Variants in CX3CR1 observed in about 807,000 individuals in gnomAD.
CX3CR1 encodes the protein CX3C chemokine receptor 1.
For synonymous variants in CX3CR1, 168 were observed against 178.5 expected, an observed-to-expected ratio of 0.94 and a Z score of 0.47; for missense variants, 363 against 432.4, an observed-to-expected ratio of 0.84 and a Z score of 1.42.
chr3:39,268,149 C>T (rs2040727919), intron 1 of CX3CR1, among the ~76,000 whole-genome samples: 1 of 152,208 alleles, frequency 6.6e-6, no homozygotes. Context: ...TCACTTCTCG[C>T]TTCCCAGCCT....
chr3:39,281,598 T>C, upstream of CX3CR1: 1 of 1,598,180 alleles, frequency 6.3e-7, no homozygotes, highest in East Asian at 2.2e-5. Context: ...GTCTTTCCTC[T>C]CACCACTTAC....
intron 1 of CX3CR1, among the ~76,000 whole-genome samples, chr3:39,274,481 CA>C (rs10663570): frequency 4.5e-5 from 4 of 88,264 alleles, no homozygotes; most frequent in Non-Finnish European, 6.5e-5. Context: ...CAACCACCAC[CA>C]AAAAAAAAAA....
intron 1 of CX3CR1, among the ~76,000 whole-genome samples, 176 bp downstream of exon 1, chr3:39,279,778 A>T (rs2040875196): frequency 6.6e-6 from 1 of 152,218 alleles, no homozygotes. Flanking sequence ...TGTATTATAA[A>T]TGATCTGATC....
At chr3:39,270,886 A>T (rs2125552330) in intron 1 of CX3CR1, among the ~76,000 whole-genome samples, 1 of 152,356 alleles carries the variant, frequency 6.6e-6, no homozygotes, top group East Asian at 1.9e-4. Context: ...TAGTACAATA[A>T]CAAGCATGCT....
chr3:39,265,463 T>C lies in CX3CR1; in HGVS notation c.1047A>G (p.Gly349=), dbSNP rs781579118. The change falls in exon 2 of 2, where the codon GGA becomes GGG. Residue 349 remains glycine (G), a synonymous_variant. Coordinates refer to ENST00000399220, the MANE Select transcript of CX3CR1 (RefSeq NM_001337.4). The part of the protein sequence containing the change: ...SSNFTYHTSD[G]DALLLL ...CCCTTCAGAGAAGGAGCAATGCATC[T>C]CCATCACTCGTGTGGTAAGTAAAAT... 5.0e-6 allele frequency: 8 copies of C among 1,611,370 alleles called. No homozygotes were observed. The highest frequency in any genetic ancestry group is 6.8e-6 in the Non-Finnish European group (8 of 1,178,030).
intron 1 of CX3CR1, 23 bp downstream of exon 1, chr3:39,279,931 C>A: frequency 1.3e-5 from 13 of 979,580 alleles, no homozygotes; most frequent in Non-Finnish European, 1.5e-5. Flanking sequence ...CCCACAGGTA[C>A]CCAACTAGTC....
At chr3:39,284,687 T>A (rs572859921), upstream of CX3CR1, among the ~76,000 whole-genome samples, 3 of 152,364 alleles carry the variant, frequency 2.0e-5, no homozygotes, top group South Asian at 2.1e-4. Context: ...CTTTTTTACT[T>A]TCACTTTCTA....
chr3:39,282,367 A>T (rs2040911416), upstream of CX3CR1, among the ~76,000 whole-genome samples: 1 of 152,140 alleles, frequency 6.6e-6, no homozygotes, highest in Admixed American at 6.5e-5. Flanking sequence ...CCCCGTCTTC[A>T]TCTCTCTTTC....
intron 1 of CX3CR1, 63 bp from the exon 2 acceptor site, chr3:39,266,581 T>C: frequency 1.3e-6 from 2 of 1,531,996 alleles, no homozygotes; most frequent in South Asian, 2.2e-5. Flanking sequence ...TGGAATTCTG[T>C]GTGGCCTCAT....
In CX3CR1 at chr3:39,266,100, G is replaced by A; in HGVS notation, c.410C>T (p.Ser137Phe). 6.2e-7 allele frequency: 1 copy of A among 1,614,234 alleles called. No individual in the cohort carries two copies. The highest frequency in any genetic ancestry group is 8.5e-7 in the Non-Finnish European group (1 of 1,180,050). The part of the protein sequence containing the change: ...RYLAIVLAAN[S>F]MNNRTVQHGV... ...ATGCTGCACGGTCCGGTTGTTCATG[G>A]AGTTGGCGGCCAGGACGATGGCCAG... Residue 137 changes from serine to phenylalanine, a missense_variant, in exon 2 of 2, where the codon TCC becomes TTC. Coordinates refer to ENST00000399220, the MANE Select transcript of CX3CR1 (RefSeq NM_001337.4).
At chr3:39,287,357 G>C in the CX3CR1 span, 1 of 152,308 alleles carries the variant, frequency 6.6e-6, no homozygotes, top group African/African-American at 2.4e-5. Flanking sequence ...AGATGTAGTT[G>C]GTAGAGCAGG....
chr3:39,284,939 AG>A (rs1357898886), upstream of CX3CR1, among the ~76,000 whole-genome samples: 1 of 152,228 alleles, frequency 6.6e-6, no homozygotes, highest in African/African-American at 2.4e-5. Flanking sequence ...GAGCATCCAA[AG>A]GCTGTGTTGC....
chr3:39,281,056 G>C, upstream of CX3CR1: 1 of 988,118 alleles, frequency 1.0e-6, no homozygotes, highest in Non-Finnish European at 1.2e-6. Context: ...TAGTCGCTGT[G>C]GTGTTCCGAG....
At chr3:39,286,948 A>G in the CX3CR1 span, 1 of 152,226 alleles carries the variant, frequency 6.6e-6, no homozygotes, top group Non-Finnish European at 1.5e-5. Context: ...TGAAATAAGC[A>G]GATATTTGGC....
upstream of CX3CR1, chr3:39,280,432 C>T (rs1034353416): frequency 1.5e-5 from 15 of 985,522 alleles, no homozygotes; most frequent in Non-Finnish European, 1.8e-5. Flanking sequence ...AGCTCTTCTC[C>T]TCAAAGTGCA....
At chr3:39,267,331 T>G (rs140634166) in intron 1 of CX3CR1, among the ~76,000 whole-genome samples, 184 of 152,258 alleles carry the variant, frequency 1.2e-3, no homozygotes, top group African/African-American at 4.2e-3. Flanking sequence ...GCCCCTTACT[T>G]TTCCATGAAG....
At chr3:39,277,780 T>C (rs550557246) in intron 1 of CX3CR1, among the ~76,000 whole-genome samples, 5 of 152,300 alleles carry the variant, frequency 3.3e-5, no homozygotes, top group Admixed American at 3.3e-4. Context: ...TAATACGTTC[T>C]TTGCTTTCCT....
At chr3:39,272,571 G>T (rs749003643) in intron 1 of CX3CR1, among the ~76,000 whole-genome samples, 2 of 151,968 alleles carry the variant, frequency 1.3e-5, no homozygotes, top group African/African-American at 2.4e-5. Context: ...CTTTTATGTT[G>T]CTTTCTCCCT....
upstream of CX3CR1, chr3:39,280,321 T>C: frequency 1.0e-6 from 1 of 985,482 alleles, no homozygotes; most frequent in Non-Finnish European, 1.2e-6. Flanking sequence ...CTCTCATTAA[T>C]GGGGAGCCTT....
Sources: allele counts gnomAD v4.1 joint callset (sites outside exome capture counted in the v4.1 genomes callset), GRCh38; gene constraint gnomAD v4.1.1; transcripts MANE v1.5; gene names NCBI Gene and HGNC (gene_info 2026-07-23, HGNC 2026-07-21).